Variants in CSMD2 observed in about 807,000 individuals in gnomAD.
CSMD2 encodes the protein CUB and sushi domain-containing protein 2.
In CSMD2, 130 loss-of-function variants were observed where a neutral mutation model predicts 398.5. The observed-to-expected ratio is 0.33, with a 90% confidence interval of 0.28 to 0.38. The LOEUF (loss-of-function observed/expected upper bound fraction) is 0.38. Among genes scored for constraint, CSMD2 ranks in the 10% least tolerant of loss-of-function variants. The probability of loss-of-function intolerance (pLI) is 1.00; values close to 1 mark genes in which losing one functional copy is unlikely to be tolerated. For synonymous variants in CSMD2, 1,828 were observed against 1,908.5 expected, an observed-to-expected ratio of 0.96 and a Z score of 1.10; for missense variants, 3,829 against 4,764.9, an observed-to-expected ratio of 0.80 and a Z score of 5.78.
At chr1:33,678,041 T>G (rs1296438499) in intron 25 of CSMD2, among the ~76,000 whole-genome samples, 1 of 151,272 alleles carries the variant, frequency 6.6e-6, no homozygotes, top group Non-Finnish European at 1.5e-5. Flanking sequence ...CACACCAACA[T>G]GGCACATGTA....
chr1:33,892,592 C>T (rs1431814992), intron 5 of CSMD2, among the ~76,000 whole-genome samples: 1 of 152,184 alleles, frequency 6.6e-6, no homozygotes, highest in African/African-American at 2.4e-5. Context: ...CACTCCTGAG[C>T]TACTCCTCTT....
At chr1:34,004,399 T>C (rs1290133327) in intron 3 of CSMD2, among the ~76,000 whole-genome samples, 3 of 152,228 alleles carry the variant, frequency 2.0e-5, no homozygotes, top group East Asian at 1.9e-4. Flanking sequence ...GACATTCTCA[T>C]TGGCATCTAG....
intron 24 of CSMD2, among the ~76,000 whole-genome samples, chr1:33,695,540 C>T (rs564161499): frequency 6.6e-6 from 1 of 152,254 alleles, no homozygotes; most frequent in East Asian, 1.9e-4. Context: ...ATCTAATCTG[C>T]CTCTGAGACC....
At chr1:33,742,240 C>T (rs148897518) in intron 14 of CSMD2, among the ~76,000 whole-genome samples, 22 of 152,298 alleles carry the variant, frequency 1.4e-4, no homozygotes, top group Non-Finnish European at 2.4e-4. Context: ...CTCTTGGAAT[C>T]GGGGGACCCA....
intron 3 of CSMD2, among the ~76,000 whole-genome samples, chr1:33,977,391 A>G (rs990003020): frequency 6.6e-6 from 1 of 151,896 alleles, no homozygotes; most frequent in African/African-American, 2.4e-5. Flanking sequence ...TCAGGGCAGA[A>G]CAGGACCCTG....
At chr1:34,052,900 T>C (rs1328767809) in intron 2 of CSMD2, among the ~76,000 whole-genome samples, 1 of 152,040 alleles carries the variant, frequency 6.6e-6, no homozygotes, top group African/African-American at 2.4e-5. Flanking sequence ...GATTTGGCAA[T>C]GAGGACAGTG....
chr1:34,063,344 T>C (rs563951287), intron 2 of CSMD2, among the ~76,000 whole-genome samples: 16 of 152,356 alleles, frequency 1.1e-4, no homozygotes, highest in Non-Finnish European at 2.9e-5. Flanking sequence ...AGGCAAGTCC[T>C]TTCTGCCTAT....
intron 50 of CSMD2, 83 bp downstream of exon 50, chr1:33,572,406 TCCCCCTCATTACTTTGC>T: frequency 2.0e-6 from 2 of 993,976 alleles, no homozygotes; most frequent in Non-Finnish European, 2.8e-6. Flanking sequence ...TTTTTTTTTT[TCCCCCTCATTACTTTGC>T]TTTTAGCTCA....
At chr1:33,667,576 G>A (rs1181845457) in intron 25 of CSMD2, among the ~76,000 whole-genome samples, 4 of 152,228 alleles carry the variant, frequency 2.6e-5, no homozygotes, top group Non-Finnish European at 5.9e-5. Flanking sequence ...GGCTGTGGTT[G>A]AGAGCTAGGC....
intron 26 of CSMD2, 53 bp downstream of exon 26, chr1:33,662,837 G>A (rs1035614863): frequency 6.7e-7 from 1 of 1,496,622 alleles, no homozygotes; most frequent in African/African-American, 1.4e-5. Flanking sequence ...GAGGAAGGTG[G>A]GTGCCATGTG....
chr1:33,518,635 G>T lies in CSMD2; in HGVS notation c.*53+830C>A. ...AGTCTCCATAATGTGTGTGGGCCTC[G>T]TTCAATCAGCTGAAGGCCTTAAGAA... On this transcript the variant is annotated intron_variant, in intron 70 of 70. Transcript: ENST00000373381. This position sits in a 1 kb window ranked among gnomAD's most constrained non-coding sequence, Gnocchi z 4.3. Among the ~76,000 whole-genome samples the T allele has an allele frequency of 6.6e-6, 1 of 152,080 alleles. No individual in the cohort carries two copies. The highest frequency in any genetic ancestry group is 1.9e-4 in the East Asian group (1 of 5,180).
intron 5 of CSMD2, among the ~76,000 whole-genome samples, chr1:33,866,429 A>G (rs978235726): frequency 6.6e-6 from 1 of 152,226 alleles, no homozygotes; most frequent in African/African-American, 2.4e-5. Flanking sequence ...TGCAGTCTTC[A>G]TGAAGGAAGC....
At chr1:34,061,370 T>C (rs1312955014) in intron 2 of CSMD2, among the ~76,000 whole-genome samples, 1 of 152,154 alleles carries the variant, frequency 6.6e-6, no homozygotes, top group South Asian at 2.1e-4. Context: ...AGACTTTGGA[T>C]TGGCCCCGTT....
In CSMD2 at chr1:33,788,729, AT is replaced by A; in HGVS notation, c.1551-18del. ...CCTGTCAGGCTGGCAGGAGAGAGAT[AT>A]TTAGAGGTGTGCTCTCCACCATGAC... On this transcript the variant is annotated intron_variant, in intron 11 of 70. Coordinates refer to ENST00000373381, the MANE Select transcript of CSMD2 (RefSeq NM_001281956.2). The A allele has an allele frequency of 6.8e-7, 1 of 1,465,288 alleles. No individual in the cohort carries two copies. The highest frequency in any genetic ancestry group is 9.6e-7 in the Non-Finnish European group (1 of 1,044,256). The allele number at this position is 1,465,288 out of a possible 1,614,324, so 90.8% of individuals were successfully genotyped here. A position where few individuals can be genotyped will look rare whatever the true frequency, so the allele number is the denominator to read the frequency against.
chr1:34,145,316 T>C (rs1264031354), intron 1 of CSMD2, among the ~76,000 whole-genome samples: 1 of 152,164 alleles, frequency 6.6e-6, no homozygotes, highest in Non-Finnish European at 1.5e-5. Context: ...CCATAAGAAG[T>C]TGGGAGGGGC....
chr1:33,877,457 T>G (rs1640918013), intron 5 of CSMD2, among the ~76,000 whole-genome samples: 1 of 152,188 alleles, frequency 6.6e-6, no homozygotes, highest in African/African-American at 2.4e-5. Flanking sequence ...TCCCAGATCC[T>G]CACCATCAAC....
At chr1:33,877,028 G>A (rs887763659) in intron 5 of CSMD2, among the ~76,000 whole-genome samples, 4 of 152,178 alleles carry the variant, frequency 2.6e-5, no homozygotes, top group Non-Finnish European at 4.4e-5. Flanking sequence ...AGAAAACCCT[G>A]AAAAATGAGT....
chr1:33,842,644 C>T (rs977774147), intron 6 of CSMD2, among the ~76,000 whole-genome samples: 1 of 152,184 alleles, frequency 6.6e-6, no homozygotes, highest in Admixed American at 6.5e-5. Context: ...CCTGGCAGTG[C>T]TAAAGCAGCC....
intron 49 of CSMD2, among the ~76,000 whole-genome samples, chr1:33,576,096 C>T (rs1181695198): frequency 2.0e-5 from 3 of 152,060 alleles, no homozygotes; most frequent in Non-Finnish European, 2.9e-5. Context: ...AGCTGTCAAT[C>T]GCATACGTTA....
Sources: allele counts gnomAD v4.1 joint callset (sites outside exome capture counted in the v4.1 genomes callset), GRCh38; gene constraint gnomAD v4.1.1; non-coding constraint Gnocchi (gnomAD v3.1); transcripts MANE v1.5; gene names NCBI Gene and HGNC (gene_info 2026-07-23, HGNC 2026-07-21).